TRPM3: variants seen among roughly 807,000 people sequenced by gnomAD.
TRPM3 encodes the protein long transient receptor potential channel 3.
TRPM3 carries 77 observed loss-of-function variants against 181.2 expected under a neutral mutation model. The ratio of observed to expected loss-of-function variants is 0.42; its 90% CI spans 0.35 to 0.51. The LOEUF is 0.51. Among genes scored for constraint, TRPM3 ranks in the 20% least tolerant of loss-of-function variants. TRPM3 has a pLI of 0.01. For synonymous variants in TRPM3, 745 were observed against 796.4 expected (o/e 0.94, Z 1.09); for missense variants, 1,759 against 2,196.7 (o/e 0.80, Z 3.98).
At chr9:71,364,744 C>T (rs7870574) in intron 1 of TRPM3, among the ~76,000 whole-genome samples, 3,228 of 152,240 alleles carry the variant, frequency 0.021, 117 homozygotes, top group African/African-American at 0.069. Context: ...AAAATGTCTT[C>T]TATCATTCTG....
intron 1 of TRPM3, among the ~76,000 whole-genome samples, chr9:71,145,058 T>C (rs1040138718): frequency 1.3e-5 from 2 of 152,164 alleles, no homozygotes; most frequent in African/African-American, 2.4e-5. Context: ...TGTTGACTAA[T>C]AGTCCAACAA....
At chr9:71,424,661 T>G (rs1043119681) in intron 1 of TRPM3, among the ~76,000 whole-genome samples, 5 of 152,152 alleles carry the variant, frequency 3.3e-5, no homozygotes, top group Admixed American at 1.3e-4. Flanking sequence ...TCTCAGTTTG[T>G]ATTTTATAGG....
intron 1 of TRPM3, among the ~76,000 whole-genome samples, chr9:71,296,991 T>TTC (rs199555895): frequency 1.4e-5 from 2 of 139,938 alleles, no homozygotes; most frequent in African/African-American, 5.4e-5. Context: ...ATCTTTTCTT[T>TTC]TTTTTTTTTT....
At chr9:71,433,747 G>A (rs529502738) in intron 1 of TRPM3, among the ~76,000 whole-genome samples, 5 of 152,296 alleles carry the variant, frequency 3.3e-5, no homozygotes, top group Non-Finnish European at 7.4e-5. Flanking sequence ...ATATCTCTCT[G>A]ACTTTTGACA....
chr9:71,397,732 A>G (rs1418373723), intron 1 of TRPM3, among the ~76,000 whole-genome samples: 1 of 152,226 alleles, frequency 6.6e-6, no homozygotes, highest in African/African-American at 2.4e-5. Flanking sequence ...GTCTAATATT[A>G]CGTTTATGCA....
chr9:70,576,464 ATCT>A (rs202021890), intron 22 of TRPM3, among the ~76,000 whole-genome samples: 8,735 of 148,134 alleles, frequency 0.059, 285 homozygotes, highest in Middle Eastern at 0.081. Context: ...GCTGCTATAG[ATCT>A]TCTTCTTCTT....
intron 1 of TRPM3, among the ~76,000 whole-genome samples, chr9:71,343,105 AG>A (rs1241260891): frequency 6.6e-6 from 1 of 152,018 alleles, no homozygotes; most frequent in Non-Finnish European, 1.5e-5. Context: ...TAGGGAAGGG[AG>A]GGGGGTAAAA....
intron 1 of TRPM3, among the ~76,000 whole-genome samples, chr9:70,956,296 CTTTTTTTT>C (rs537484746): frequency 1.4e-4 from 14 of 97,142 alleles, no homozygotes; most frequent in Non-Finnish European, 1.9e-4. Flanking sequence ...AGAAATACAC[CTTTTTTTT>C]TTTTTTTTTT....
rs766435518 is a variant in TRPM3 at position 70,821,396 on chromosome 9, AT to A, written c.973+6450del. On this transcript the variant is annotated intron_variant, in intron 6 of 25. Transcript: ENST00000677713. Reference sequence around the variant, plus strand: ...ATAGCTGTAGGGTGGCTATAATAACATTTTTTAATAATAACAATTTTATAAG... The same window carrying A: ...ATAGCTGTAGGGTGGCTATAATAACATTTTTAATAATAACAATTTTATAAG... 9.8e-5 allele frequency among the ~76,000 whole-genome samples: 15 copies of A among 152,302 alleles called. No homozygotes were observed. In the East Asian group the frequency reaches 2.7e-3, roughly 27 times the overall value.
chr9:71,186,369 C>T (rs1344169182), intron 1 of TRPM3, among the ~76,000 whole-genome samples: 1 of 152,044 alleles, frequency 6.6e-6, no homozygotes, highest in Non-Finnish European at 1.5e-5. Context: ...TATCTGCCAA[C>T]TATAAAATTT....
chr9:70,880,957 T>C (rs142132536), intron 1 of TRPM3, among the ~76,000 whole-genome samples: 344 of 152,238 alleles, frequency 2.3e-3, no homozygotes, highest in African/African-American at 7.9e-3. Flanking sequence ...TTGCTTCAGT[T>C]TTTCCTTTTG....
At chr9:71,237,095 G>GA (rs1565371824) in intron 1 of TRPM3, among the ~76,000 whole-genome samples, 37 of 144,022 alleles carry the variant, frequency 2.6e-4, no homozygotes, top group African/African-American at 6.5e-4. Flanking sequence ...AGGGAAGGGG[G>GA]ATGGGGAAAG....
intron 1 of TRPM3, among the ~76,000 whole-genome samples, chr9:71,173,385 T>C (rs954074962): frequency 2.0e-5 from 3 of 152,176 alleles, no homozygotes; most frequent in Admixed American, 1.3e-4. Context: ...ATTAATACAC[T>C]GGAAAGGATT....
At chr9:71,367,327 G>T (rs758934375) in intron 1 of TRPM3, among the ~76,000 whole-genome samples, 1 of 152,144 alleles carries the variant, frequency 6.6e-6, no homozygotes, top group Non-Finnish European at 1.5e-5. Context: ...ACCCTGGAAT[G>T]TCTGCCTCTG....
intron 1 of TRPM3, among the ~76,000 whole-genome samples, chr9:71,115,418 A>G (rs1372086732): frequency 6.6e-6 from 1 of 152,128 alleles, no homozygotes; most frequent in African/African-American, 2.4e-5. Context: ...GTGTTTGTTC[A>G]TTCATTAAAC....
chr9:71,271,255 T>C (rs1166895643), intron 1 of TRPM3, among the ~76,000 whole-genome samples: 1 of 152,192 alleles, frequency 6.6e-6, no homozygotes, highest in Non-Finnish European at 1.5e-5. Context: ...CACTTATTCA[T>C]AGCTTGTTAT....
At chr9:70,573,718 G>A (rs899758431) in intron 22 of TRPM3, among the ~76,000 whole-genome samples, 1 of 152,092 alleles carries the variant, frequency 6.6e-6, no homozygotes, top group East Asian at 1.9e-4. Flanking sequence ...CCAAGGTAAA[G>A]TTTCCAAAAC....
At chr9:70,755,921 G>A (rs1352892207) in intron 8 of TRPM3, among the ~76,000 whole-genome samples, 3 of 151,948 alleles carry the variant, frequency 2.0e-5, no homozygotes, top group Non-Finnish European at 2.9e-5. Context: ...ATTAACTAAC[G>A]GGCAAAATAA....
rs757988808 is a variant in TRPM3, at chr9:70,552,824, G to A, written c.3574+20C>T. 8.1e-6 allele frequency: 13 copies of A among 1,612,694 alleles called. No individual in the cohort carries two copies. The Admixed American group carries it at 1.3e-4, about 17-fold the overall frequency. On this transcript the variant is annotated intron_variant, in intron 24 of 25. Coordinates refer to ENST00000677713, the MANE Select transcript of TRPM3 (RefSeq NM_001366145.2). ...AGGGATTTCTGATTTGTGGCAGCTC[G>A]GCTGTCGCTTGAAGCTTACTCAGGC...
Sources: allele counts gnomAD v4.1 joint callset (sites outside exome capture counted in the v4.1 genomes callset), GRCh38; gene constraint gnomAD v4.1.1; transcripts MANE v1.5; gene names NCBI Gene and HGNC (gene_info 2026-07-23, HGNC 2026-07-21).